Variants in PPP1R12B observed in about 807,000 individuals in gnomAD.
PPP1R12B encodes protein phosphatase 1 regulatory subunit 12B.
PPP1R12B carries 76 observed loss-of-function variants against 126.1 expected under a neutral mutation model. That is an observed-to-expected ratio of 0.60 (90% CI 0.50 to 0.73). The LOEUF is 0.73. Ranked by LOEUF, PPP1R12B falls within the 30% of genes least tolerant of loss-of-function variation. PPP1R12B has a pLI of 0.00. For synonymous variants in PPP1R12B, 356 were observed against 434.7 expected (o/e 0.82, Z 2.25); for missense variants, 1,052 against 1,205.1 (o/e 0.87, Z 1.88).
chr1:202,505,507 C>G (rs1287595425), intron 18 of PPP1R12B, among the ~76,000 whole-genome samples: 3 of 152,170 alleles, frequency 2.0e-5, no homozygotes, highest in Non-Finnish European at 4.4e-5. Flanking sequence ...GGGTATCCAG[C>G]AACTTTCTGT....
At position 202,446,739 on chromosome 1, in the gene PPP1R12B, C is replaced by T. The variant is rs544690841; in HGVS notation, c.1668-2250C>T. On this transcript the variant is annotated intron_variant, in intron 12 of 23. Transcript: ENST00000608999. ...TGGGATTTAGTTTGCTCATATGTAA[C>T]GATAAATCTAAATAGTAGTGGCTTA... is the stretch of plus-strand genomic sequence containing the variant. 3.0e-3 allele frequency among the ~76,000 whole-genome samples: 453 copies of T among 151,088 alleles called. 3 individuals carry two copies. The highest frequency in any genetic ancestry group is 9.5e-3 in the African/African-American group (391 of 41,230).
chr1:202,442,696 G>A, intron 12 of PPP1R12B, 124 bp downstream of exon 12: 2 of 1,083,606 alleles, frequency 1.8e-6, no homozygotes, highest in South Asian at 4.8e-5. Context: ...ATTACTTTCA[G>A]GTTTCTTAGA....
In PPP1R12B at chr1:202,580,624, A is replaced by G. The variant is rs1174014440; in HGVS notation, c.*64A>G. ...TTTGCTGCCCCCACCCCTCTTTTCC[A>G]GTCCTTGCCTTCCAACCAAAAGAAA... On this transcript the variant is annotated 3_prime_UTR_variant, in exon 24 of 24. Transcript: ENST00000608999. 5 of 1,354,858 alleles carry G rather than the reference A, an allele frequency of 3.7e-6. No homozygotes were observed. The highest frequency in any genetic ancestry group is 5.3e-6 in the Non-Finnish European group (5 of 946,920). The allele number at this position is 1,354,858 out of a possible 1,614,324, so 83.9% of individuals were successfully genotyped here.
At chr1:202,396,829 A>G (rs1411596003) in intron 1 of PPP1R12B, among the ~76,000 whole-genome samples, 2 of 151,968 alleles carry the variant, frequency 1.3e-5, no homozygotes, top group Non-Finnish European at 2.9e-5. Context: ...CCCAGGCTCA[A>G]TTTTTATCTC....
At chr1:202,470,936 C>A (rs1488323413) in intron 13 of PPP1R12B, among the ~76,000 whole-genome samples, 2 of 150,888 alleles carry the variant, frequency 1.3e-5, no homozygotes, top group Non-Finnish European at 3.0e-5. Context: ...CAAAAAGTTA[C>A]CAAATATCAC....
rs1452463553 is a variant in PPP1R12B at position 202,439,617 on chromosome 1, T to C, written c.1459-1089T>C. ...TCTGTACACCATGGACCCTGCCCTG[T>C]GCTCCATAACTCCCCCAGGCTCCCT... On this transcript the variant is annotated intron_variant, in intron 10 of 23. Coordinates refer to ENST00000608999, the MANE Select transcript of PPP1R12B (RefSeq NM_002481.4). The C allele has an allele frequency of 1.5e-4, 140 of 960,516 alleles. No homozygotes were observed. In the African/African-American group the frequency reaches 1.8e-3, roughly 12 times the overall value. The allele number at this position is 960,516 out of a possible 1,614,324, so 59.5% of individuals were successfully genotyped here. A position where few individuals can be genotyped will look rare whatever the true frequency, so the allele number is the denominator to read the frequency against.
chr1:202,514,323 A>G (rs1040012642), intron 18 of PPP1R12B, among the ~76,000 whole-genome samples: 1 of 152,068 alleles, frequency 6.6e-6, no homozygotes, highest in African/African-American at 2.4e-5. Flanking sequence ...TAGATGCTAC[A>G]TATTATACCT....
intron 21 of PPP1R12B, among the ~76,000 whole-genome samples, chr1:202,566,959 A>G (rs1159345790): frequency 6.6e-6 from 1 of 152,176 alleles, no homozygotes; most frequent in African/African-American, 2.4e-5. Context: ...GAGTTCTATG[A>G]CCCTAAGGCC....
chr1:202,481,277 A>G (rs546730698), intron 13 of PPP1R12B, among the ~76,000 whole-genome samples: 10 of 152,324 alleles, frequency 6.6e-5, no homozygotes, highest in East Asian at 1.9e-4. Flanking sequence ...ATTGTAACTA[A>G]CCACCACTTG....
chr1:202,407,411 A>G (rs1219391282), intron 1 of PPP1R12B, among the ~76,000 whole-genome samples: 1 of 152,212 alleles, frequency 6.6e-6, no homozygotes, highest in African/African-American at 2.4e-5. Context: ...CTTAATCAGT[A>G]TGACACTTCA....
At position 202,566,950 on chromosome 1, in the gene PPP1R12B, A is replaced by T. The variant is rs1404992591; in HGVS notation, c.2758-828A>T. Among the ~76,000 whole-genome samples, 5 of 152,234 alleles carry T rather than the reference A, an allele frequency of 3.3e-5. No homozygotes were observed. The East Asian group carries it at 9.6e-4, about 29-fold the overall frequency. ...CTACTGAATGTAAGAAATTCTGCTG[A>T]GTTCTATGACCCTAAGGCCAAAAGG... On this transcript the variant is annotated intron_variant, in intron 21 of 23. Transcript: ENST00000608999.
chr1:202,482,003 G>A (rs1314232075), intron 13 of PPP1R12B, among the ~76,000 whole-genome samples: 1 of 149,706 alleles, frequency 6.7e-6, no homozygotes, highest in Non-Finnish European at 1.5e-5. Flanking sequence ...TTTTTTTTCT[G>A]TGTCTGGCTT....
At chr1:202,417,185 C>T in intron 2 of PPP1R12B, 12 of 950,742 alleles carry the variant, frequency 1.3e-5, no homozygotes, top group Non-Finnish European at 1.5e-5. Flanking sequence ...GGTGGCTGTT[C>T]CACTGTCTGG....
Position 202,348,982 on chromosome 1 carries a change from A to C in PPP1R12B, c.131A>C (p.Gln44Pro). The change falls in exon 1 of 24, where the codon CAG becomes CCG. Residue 44 changes from glutamine to proline, a missense_variant. By Grantham distance (76) the Gln-to-Pro change is moderately conservative (BLOSUM62 -1). Transcript: ENST00000608999. ...EPAERRGAGRQPLTRRGSPRV... is the reference protein window; with the variant it reads ...EPAERRGAGRPPLTRRGSPRV... ...GCGGAGCGACGAGGCGCGGGGCGGCAGCCGCTGACCAGGCGCGGGAGCCCC... is the reference window on the plus strand; with the variant it reads ...GCGGAGCGACGAGGCGCGGGGCGGCCGCCGCTGACCAGGCGCGGGAGCCCC... 6.2e-7 allele frequency: 1 copy of C among 1,604,582 alleles called. No individual in the cohort carries two copies. The highest frequency in any genetic ancestry group is 8.5e-7 in the Non-Finnish European group (1 of 1,176,268).
At chr1:202,359,763 C>T (rs1657827313) in intron 1 of PPP1R12B, among the ~76,000 whole-genome samples, 1 of 152,134 alleles carries the variant, frequency 6.6e-6, no homozygotes, top group African/African-American at 2.4e-5. Context: ...GAGATCTCGC[C>T]ACTGCACTCC....
Position 202,508,219 on chromosome 1 carries a change from C to G in PPP1R12B, c.2490+11397C>G, listed in dbSNP as rs1387318487. Among the ~76,000 whole-genome samples the G allele has an allele frequency of 6.6e-6, 1 of 152,216 alleles. No individual in the cohort carries two copies. The highest frequency in any genetic ancestry group is 2.4e-5 in the African/African-American group (1 of 41,454). ...ATAGCAGCCATTTAGTGACATGAAT[C>G]TCTTCGTAGAGAAACCATAGTTTTG... On this transcript the variant is annotated intron_variant, in intron 18 of 23. Transcript: ENST00000608999. The surrounding 1 kb of genome is among the most constrained non-coding windows in gnomAD (Gnocchi z 4.5).
intron 1 of PPP1R12B, among the ~76,000 whole-genome samples, chr1:202,400,768 A>G (rs1665700029): frequency 6.6e-6 from 1 of 152,214 alleles, no homozygotes; most frequent in Non-Finnish European, 1.5e-5. Context: ...TAGTACTGTT[A>G]TTCCCATTTT....
At chr1:202,354,804 C>T (rs959128477) in intron 1 of PPP1R12B, among the ~76,000 whole-genome samples, 2 of 149,490 alleles carry the variant, frequency 1.3e-5, no homozygotes, top group South Asian at 2.1e-4. Context: ...GGTGACACCA[C>T]GCCTGGCTAA....
chr1:202,477,553 C>G (rs1338186010), intron 13 of PPP1R12B, among the ~76,000 whole-genome samples: 2 of 152,018 alleles, frequency 1.3e-5, no homozygotes, highest in Admixed American at 6.6e-5. Context: ...TGCACAACTT[C>G]CTTTTTATTT....
Sources: gnomAD v4.1 joint callset for allele counts (sites outside exome capture counted in the v4.1 genomes callset) on GRCh38, gnomAD v4.1.1 for gene constraint, Gnocchi (gnomAD v3.1) non-coding constraint, MANE v1.5 for transcripts, NCBI Gene and HGNC (gene_info 2026-07-23, HGNC 2026-07-21) for gene names.